GULP1: variants seen among roughly 807,000 people sequenced by gnomAD.
The protein encoded by GULP1 is PTB domain-containing engulfment adapter protein 1.
GULP1 carries 19 observed loss-of-function variants against 40.9 expected under a neutral mutation model. That is an observed-to-expected ratio of 0.46 (90% CI 0.32 to 0.68). The LOEUF is 0.68. Ranked by LOEUF, GULP1 falls within the 30% of genes least tolerant of loss-of-function variation. The pLI, the probability that GULP1 is intolerant of heterozygous loss-of-function variation, is 0.03. For missense variants in GULP1, 312 were observed against 362.2 expected, an observed-to-expected ratio of 0.86 and a Z score of 1.12; for synonymous variants, 119 against 117.6, an observed-to-expected ratio of 1.01 and a Z score of -0.08.
chr2:188,458,650 C>T (rs2059462156), intron 2 of GULP1, among the ~76,000 whole-genome samples: 1 of 152,114 alleles, frequency 6.6e-6, no homozygotes, highest in African/African-American at 2.4e-5. Context: ...CTATCCATCC[C>T]TTCAAGCATT....
chr2:188,364,131 A>C (rs977649230), intron 1 of GULP1, among the ~76,000 whole-genome samples: 1 of 152,182 alleles, frequency 6.6e-6, no homozygotes, highest in Non-Finnish European at 1.5e-5. Flanking sequence ...TAAATAATTA[A>C]ATAAATCCTT....
intron 1 of GULP1, among the ~76,000 whole-genome samples, chr2:188,305,543 A>C (rs564857157): frequency 6.6e-6 from 1 of 152,288 alleles, no homozygotes; most frequent in East Asian, 1.9e-4. Flanking sequence ...TTGGGCAGGT[A>C]AAGGAAGGAC....
At chr2:188,556,299 AT>A (rs931023521) in intron 7 of GULP1, among the ~76,000 whole-genome samples, 4 of 151,934 alleles carry the variant, frequency 2.6e-5, no homozygotes, top group African/African-American at 7.3e-5. Flanking sequence ...GATTTGAGAT[AT>A]TTTTTTCTTC....
At position 188,340,414 on chromosome 2, in the gene GULP1, G is replaced by A. The variant is rs549537410; in HGVS notation, c.-171-43349G>A. On this transcript the variant is annotated intron_variant, in intron 1 of 11. Coordinates refer to ENST00000409830, the MANE Select transcript of GULP1 (RefSeq NM_016315.4). ...CTCAGCCCATAGCTCTCTACCCCTC[G>A]CGGGAGGGGGAGATGCAGATGAGTG... Among the ~76,000 whole-genome samples the A allele has an allele frequency of 3.0e-4, 45 of 152,244 alleles. No homozygotes were observed. In the South Asian group the frequency reaches 7.7e-3, roughly 26 times the overall value.
chr2:188,352,601 TTCTC>T (rs144329147), intron 1 of GULP1, among the ~76,000 whole-genome samples: 33 of 109,458 alleles, frequency 3.0e-4, no homozygotes, highest in African/African-American at 9.1e-4. Context: ...CTTGCTCTCT[TTCTC>T]TCTCTCTCTC....
intron 4 of GULP1, among the ~76,000 whole-genome samples, chr2:188,501,925 C>T (rs980665146): frequency 6.6e-6 from 1 of 151,960 alleles, no homozygotes; most frequent in Non-Finnish European, 1.5e-5. Context: ...CTCTCCCAGT[C>T]TGATTTTCCC....
At position 188,481,676 on chromosome 2, in the gene GULP1, A is replaced by G. The variant is rs562647947; in HGVS notation, c.29-1755A>G. Among the ~76,000 whole-genome samples the G allele has an allele frequency of 1.4e-4, 21 of 152,080 alleles. 1 individual carries two copies. The South Asian group carries it at 4.4e-3, about 32-fold the overall frequency. On this transcript the variant is annotated intron_variant, in intron 3 of 11. Coordinates refer to ENST00000409830, the MANE Select transcript of GULP1 (RefSeq NM_016315.4). Reference sequence around the variant, plus strand: ...GAAATTATTAATACCTCTCTGCCTCAGGATTGGTGTGACCCATCATAGTGA... The same window carrying G: ...GAAATTATTAATACCTCTCTGCCTCGGGATTGGTGTGACCCATCATAGTGA...
intron 1 of GULP1, among the ~76,000 whole-genome samples, chr2:188,305,615 A>C (rs1227652773): frequency 6.6e-6 from 1 of 152,230 alleles, no homozygotes; most frequent in African/African-American, 2.4e-5. Flanking sequence ...GGACTATGAA[A>C]GTTGGGAGCC....
intron 7 of GULP1, among the ~76,000 whole-genome samples, chr2:188,550,801 G>GT (rs139352232): frequency 4.7e-4 from 71 of 151,140 alleles, no homozygotes; most frequent in Middle Eastern, 3.4e-3. Flanking sequence ...AAAAATTAAT[G>GT]TTTTTTTTAT....
chr2:188,389,395 A>G (rs1019915962), intron 2 of GULP1, among the ~76,000 whole-genome samples: 1 of 152,228 alleles, frequency 6.6e-6, no homozygotes, highest in African/African-American at 2.4e-5. Flanking sequence ...TACACCAAAC[A>G]AAACAAAAAT....
chr2:188,555,356 A>G (rs962278343), intron 7 of GULP1, among the ~76,000 whole-genome samples: 1 of 152,048 alleles, frequency 6.6e-6, no homozygotes, highest in Non-Finnish European at 1.5e-5. Context: ...AATCTTGTCC[A>G]TTTGTTTCCA....
intron 2 of GULP1, among the ~76,000 whole-genome samples, chr2:188,439,694 G>A (rs913143346): frequency 6.6e-6 from 1 of 152,008 alleles, no homozygotes; most frequent in Non-Finnish European, 1.5e-5. Context: ...TGGGAGATGT[G>A]GTGAGGGGAA....
At position 188,451,190 on chromosome 2, in the gene GULP1, C is replaced by G. The variant is rs187797459; in HGVS notation, c.-44-26469C>G. Among the ~76,000 whole-genome samples the G allele has an allele frequency of 2.0e-5, 3 of 152,128 alleles. 1 individual carries two copies. Among genetic ancestry groups the G allele is most frequent in the Admixed American group, 2.0e-4 (3 of 15,266 alleles). On this transcript the variant is annotated intron_variant, in intron 2 of 11. Transcript: ENST00000409830. ...TATGATGTAAAACACATGGTACATT[C>G]GGGAGGAAAGCATGTTGTTTCACTT... is the stretch of plus-strand genomic sequence containing the variant.
intron 2 of GULP1, among the ~76,000 whole-genome samples, chr2:188,409,951 A>G (rs964353711): frequency 6.6e-5 from 10 of 152,218 alleles, no homozygotes; most frequent in African/African-American, 2.2e-4. Context: ...TTCAAAATAT[A>G]CTACAAAGTT....
At chr2:188,550,982 T>C (rs1416098017) in intron 7 of GULP1, among the ~76,000 whole-genome samples, 2 of 151,596 alleles carry the variant, frequency 1.3e-5, no homozygotes, top group East Asian at 3.9e-4. Context: ...AGTCCCTGAG[T>C]TTAAAAACTC....
intron 1 of GULP1, among the ~76,000 whole-genome samples, chr2:188,349,200 T>C (rs1305931518): frequency 6.6e-6 from 1 of 152,214 alleles, no homozygotes; most frequent in Non-Finnish European, 1.5e-5. Flanking sequence ...TTTTGAAATA[T>C]GCTGCTCTGA....
chr2:188,370,460 G>C (rs2047452353), intron 1 of GULP1, among the ~76,000 whole-genome samples: 2 of 152,032 alleles, frequency 1.3e-5, no homozygotes, highest in African/African-American at 4.8e-5. Flanking sequence ...ACTTTCTTTG[G>C]ATCTCATTGC....
rs578003996 is a variant in GULP1, at chr2:188,352,618, T to TCTCTCACA, written c.-171-31144_-171-31143insTCTCACAC. Among the ~76,000 whole-genome samples the TCTCTCACA allele has an allele frequency of 1.9e-4, 25 of 134,502 alleles. 1 individual carries two copies. In the South Asian group the frequency reaches 2.5e-3, roughly 13 times the overall value. The allele number at this position is 134,502 out of a possible 152,430, so 88.2% of individuals were successfully genotyped here. A position where few individuals can be genotyped will look rare whatever the true frequency, so the allele number is the denominator to read the frequency against. On this transcript the variant is annotated intron_variant, in intron 1 of 11. Coordinates refer to ENST00000409830, the MANE Select transcript of GULP1 (RefSeq NM_016315.4). ...TGCTCTCTTTCTCTCTCTCTCTCTC[T>TCTCTCACA]CACACACACACACACACACACACAC...
intron 7 of GULP1, among the ~76,000 whole-genome samples, chr2:188,550,385 A>G (rs1262275757): frequency 6.6e-6 from 1 of 151,682 alleles, no homozygotes; most frequent in African/African-American, 2.4e-5. Flanking sequence ...TAAATTAAAT[A>G]TAATTGCTGT....
Sources: allele counts gnomAD v4.1 joint callset (sites outside exome capture counted in the v4.1 genomes callset), GRCh38; gene constraint gnomAD v4.1.1; transcripts MANE v1.5; gene names NCBI Gene and HGNC (gene_info 2026-07-23, HGNC 2026-07-21).